Variants in XYLT1 observed in about 807,000 individuals in gnomAD.
XYLT1 encodes xylosyltransferase 1, also known as beta-D-xylosyltransferase 1.
XYLT1 carries 36 observed loss-of-function variants against 91.3 expected under a neutral mutation model. The observed-to-expected ratio is 0.39, with a 90% CI of 0.30 to 0.52. The LOEUF is 0.52. Among genes scored for constraint, XYLT1 ranks in the 20% least tolerant of loss-of-function variants. XYLT1 has a pLI of 0.68. For synonymous variants in XYLT1, 588 were observed against 532.0 expected, an observed-to-expected ratio of 1.11 and a Z score of -1.45; for missense variants, 1,242 against 1,284.5, an observed-to-expected ratio of 0.97 and a Z score of 0.51.
intron 5 of XYLT1, among the ~76,000 whole-genome samples, chr16:17,159,437 T>G (rs543595608): frequency 6.6e-6 from 1 of 152,330 alleles, no homozygotes; most frequent in South Asian, 2.1e-4. Flanking sequence ...TTATAATACT[T>G]CACTCTTGTA....
chr16:17,240,995 C>G (rs991967307), intron 3 of XYLT1, among the ~76,000 whole-genome samples: 4 of 152,192 alleles, frequency 2.6e-5, no homozygotes, highest in African/African-American at 9.7e-5. Context: ...CCACATTTCA[C>G]AGGATCCTAT....
chr16:17,275,603 C>A (rs2033961712), intron 2 of XYLT1, among the ~76,000 whole-genome samples: 1 of 152,124 alleles, frequency 6.6e-6, no homozygotes, highest in Non-Finnish European at 1.5e-5. Flanking sequence ...AGGTTGGTGC[C>A]ACGCCCCTGA....
intron 1 of XYLT1, among the ~76,000 whole-genome samples, chr16:17,436,833 A>G (rs1567202672): frequency 6.6e-6 from 1 of 152,244 alleles, no homozygotes; most frequent in Non-Finnish European, 1.5e-5. Flanking sequence ...ACAGAAGAGC[A>G]AGGTCTTCTG....
At chr16:17,233,206 CCCTG>C (rs1333850535) in intron 3 of XYLT1, among the ~76,000 whole-genome samples, 2 of 152,288 alleles carry the variant, frequency 1.3e-5, no homozygotes, top group East Asian at 3.9e-4. Flanking sequence ...ATTTTGCATC[CCCTG>C]CCGGCTTCAA....
chr16:17,400,985 TACACACAC>T (rs71373111), intron 1 of XYLT1, among the ~76,000 whole-genome samples: 106 of 148,790 alleles, frequency 7.1e-4, no homozygotes, highest in African/African-American at 2.5e-3. Context: ...CTCTCTTTCA[TACACACAC>T]ACACACACAC....
At chr16:17,154,919 C>T (rs1238508847) in intron 6 of XYLT1, among the ~76,000 whole-genome samples, 1 of 152,188 alleles carries the variant, frequency 6.6e-6, no homozygotes, top group Non-Finnish European at 1.5e-5. Context: ...TTGTTCATCC[C>T]CATCTCTCTG....
chr16:17,131,261 T>C (rs993656845), intron 9 of XYLT1, among the ~76,000 whole-genome samples: 1 of 152,218 alleles, frequency 6.6e-6, no homozygotes, highest in African/African-American at 2.4e-5. Flanking sequence ...TCATCCTGAC[T>C]GTATTTGGTA....
At chr16:17,346,405 G>T (rs1358537133) in intron 2 of XYLT1, among the ~76,000 whole-genome samples, 1 of 152,150 alleles carries the variant, frequency 6.6e-6, no homozygotes, top group Non-Finnish European at 1.5e-5. Context: ...GCCAGGTGGG[G>T]ACTTCTATGA....
chr16:17,345,532 T>C (rs2035132298), intron 2 of XYLT1, among the ~76,000 whole-genome samples: 1 of 152,188 alleles, frequency 6.6e-6, no homozygotes, highest in Non-Finnish European at 1.5e-5. Flanking sequence ...GTGACGCAGC[T>C]TGCATTCACA....
At chr16:17,296,397 C>G (rs1488780631) in intron 2 of XYLT1, among the ~76,000 whole-genome samples, 1 of 152,120 alleles carries the variant, frequency 6.6e-6, no homozygotes, top group Non-Finnish European at 1.5e-5. Flanking sequence ...CAAATCCTAG[C>G]CCTGCTCCTT....
At chr16:17,223,383 G>A (rs2033006839) in intron 3 of XYLT1, among the ~76,000 whole-genome samples, 1 of 152,226 alleles carries the variant, frequency 6.6e-6, no homozygotes, top group South Asian at 2.1e-4. Context: ...AGTGGTTGAG[G>A]CTCTTGGTCA....
intron 3 of XYLT1, among the ~76,000 whole-genome samples, chr16:17,222,269 C>T (rs2032982626): frequency 6.6e-6 from 1 of 152,156 alleles, no homozygotes; most frequent in South Asian, 2.1e-4. Flanking sequence ...ATTTTGTCTC[C>T]CTGAGGACAT....
chr16:17,113,203 G>A (rs941589658), intron 11 of XYLT1, among the ~76,000 whole-genome samples: 1 of 145,342 alleles, frequency 6.9e-6, no homozygotes, highest in Non-Finnish European at 1.5e-5. Context: ...GTGCAGTGGT[G>A]TGATCTTGGC....
intron 2 of XYLT1, among the ~76,000 whole-genome samples, chr16:17,341,696 T>G (rs1181069352): frequency 3.3e-5 from 5 of 152,238 alleles, no homozygotes; most frequent in Admixed American, 6.5e-5. Context: ...CAGTTATCTC[T>G]GAAGAATAGG....
In XYLT1 at chr16:17,381,242, C is replaced by A. The variant is rs182538320; in HGVS notation, c.364-23192G>T. Among the ~76,000 whole-genome samples the A allele has an allele frequency of 2.0e-4, 30 of 151,978 alleles. No individual in the cohort carries two copies. In the East Asian group the frequency reaches 3.9e-3, roughly 20 times the overall value. ...ATCCTGGGGGTGATGTTCATTATAT[C>A]CAATAATTTGGGGTGATGATGTCAC... On this transcript the variant is annotated intron_variant, in intron 1 of 11. Coordinates refer to ENST00000261381, the MANE Select transcript of XYLT1 (RefSeq NM_022166.4).
rs1018922900 is a variant in XYLT1 at position 17,368,591 on chromosome 16, T to TA, written c.364-10542dup. On this transcript the variant is annotated intron_variant, in intron 1 of 11. Coordinates refer to ENST00000261381, the MANE Select transcript of XYLT1 (RefSeq NM_022166.4). ...TTTTTTTTTTTTTTGGTTTTTACTT[T>TA]AAAAAAAAAAAACGACAGGGTCTTG... Among the ~76,000 whole-genome samples, 397 of 134,982 alleles carry TA rather than the reference T, an allele frequency of 2.9e-3. 1 individual carries two copies. The highest frequency in any genetic ancestry group is 7.6e-3 in the Middle Eastern group (2 of 264). 88.6% of individuals were successfully genotyped at this position (134,982 alleles called of 152,430 possible).
chr16:17,461,820 CT>C (rs1305561049), intron 1 of XYLT1, among the ~76,000 whole-genome samples: 4 of 152,228 alleles, frequency 2.6e-5, no homozygotes, highest in Non-Finnish European at 4.4e-5. Context: ...CACTTCACAT[CT>C]GCTTAATTTT....
chr16:17,423,764 T>C (rs1190413705), intron 1 of XYLT1, among the ~76,000 whole-genome samples: 2 of 152,026 alleles, frequency 1.3e-5, no homozygotes, highest in East Asian at 3.9e-4. Context: ...TACAGGTGCA[T>C]GCCACCATGC....
At chr16:17,443,243 T>C (rs1274597815) in intron 1 of XYLT1, among the ~76,000 whole-genome samples, 2 of 152,216 alleles carry the variant, frequency 1.3e-5, no homozygotes, top group East Asian at 3.8e-4. Flanking sequence ...CATTTTATAG[T>C]ATGTATATAT....
Sources: gnomAD v4.1 joint callset for allele counts (sites outside exome capture counted in the v4.1 genomes callset) on GRCh38, gnomAD v4.1.1 for gene constraint, MANE v1.5 for transcripts, NCBI Gene and HGNC (gene_info 2026-07-23, HGNC 2026-07-21) for gene names.